DCHS2: variants seen among roughly 807,000 people sequenced by gnomAD.
DCHS2 encodes protocadherin-23.
Under a neutral mutation model 182.4 loss-of-function variants are expected in DCHS2, and 142 were observed. The ratio of observed to expected loss-of-function variants is 0.78; its 90% CI spans 0.68 to 0.89. DCHS2 has a LOEUF of 0.89. DCHS2 is among the 40% of genes least tolerant of loss of function. The pLI is 0.00. For synonymous variants in DCHS2, 1,740 were observed against 1,663.3 expected (o/e 1.05, Z -1.12); for missense variants, 4,319 against 4,198.6 (o/e 1.03, Z -0.79).
intron 14 of DCHS2, among the ~76,000 whole-genome samples, chr4:154,265,473 T>C (rs1435288123): frequency 3.3e-5 from 5 of 151,994 alleles, no homozygotes; most frequent in African/African-American, 1.2e-4. Context: ...AGTGGAAAAA[T>C]TATAACCAAA....
rs1023854210 is a variant in DCHS2 at position 154,328,225 on chromosome 4, C to T, written c.3919-33G>A. On this transcript the variant is annotated intron_variant, in intron 6 of 19. Coordinates refer to ENST00000357232, the MANE Select transcript of DCHS2 (RefSeq NM_001358235.2). Reference sequence around the variant, plus strand: ...TAAAACAAACAGCTTACAAATGAGTCAGCAAAAGTTTAAAAAGAAATATCA... The same window carrying T: ...TAAAACAAACAGCTTACAAATGAGTTAGCAAAAGTTTAAAAAGAAATATCA... 2.6e-6 allele frequency: 4 copies of T among 1,534,856 alleles called. No homozygotes were observed. In the African/African-American group the frequency reaches 4.1e-5, roughly 16 times the overall value.
At chr4:154,429,657 A>G (rs933375326) in intron 1 of DCHS2, among the ~76,000 whole-genome samples, 2 of 151,938 alleles carry the variant, frequency 1.3e-5, no homozygotes, top group Admixed American at 6.6e-5. Context: ...TTTTAGATCA[A>G]TTTTTTAAAG....
intron 16 of DCHS2, among the ~76,000 whole-genome samples, chr4:154,253,414 G>T (rs1158853736): frequency 6.6e-6 from 1 of 152,162 alleles, no homozygotes; most frequent in South Asian, 2.1e-4. Context: ...TGTTAATTAG[G>T]TTCCATTGAG....
intron 1 of DCHS2, among the ~76,000 whole-genome samples, chr4:154,393,759 C>T (rs1401817454): frequency 1.3e-5 from 2 of 152,100 alleles, no homozygotes; most frequent in East Asian, 1.9e-4. Flanking sequence ...TGTGCCACAT[C>T]ACCACTCCCA....
chr4:154,489,062 A>T (rs1477755109), intron 1 of DCHS2, among the ~76,000 whole-genome samples: 6 of 152,160 alleles, frequency 3.9e-5, no homozygotes. Context: ...CTTCAATAAG[A>T]TAAATCAAGA....
chr4:154,260,210 C>G (rs1333421221), intron 14 of DCHS2, among the ~76,000 whole-genome samples: 1 of 152,184 alleles, frequency 6.6e-6, no homozygotes, highest in Non-Finnish European at 1.5e-5. Context: ...GCCGGGCCTC[C>G]TTTCCCCACC....
At chr4:154,333,761 G>C in intron 4 of DCHS2, 1 of 447,588 alleles carries the variant, frequency 2.2e-6, no homozygotes, top group Non-Finnish European at 4.0e-6. Flanking sequence ...TAGCCTAGGA[G>C]CAATCGACTG....
intron 8 of DCHS2, 134 bp from the exon 9 acceptor site, chr4:154,321,356 AT>A: frequency 4.2e-6 from 4 of 963,354 alleles, no homozygotes; most frequent in Non-Finnish European, 5.6e-6. Context: ...GAAAAATGTC[AT>A]TTTTATATTA....
intron 14 of DCHS2, among the ~76,000 whole-genome samples, chr4:154,260,184 G>A (rs765562878): frequency 2.0e-5 from 3 of 152,102 alleles, no homozygotes; most frequent in East Asian, 1.9e-4. Context: ...CACCTGTCCC[G>A]CAAAAGCCTC....
rs537951331 is a variant in DCHS2, at chr4:154,302,818, A to G, written c.5605+1851T>C. On this transcript the variant is annotated intron_variant, in intron 12 of 19. Coordinates refer to ENST00000357232, the MANE Select transcript of DCHS2 (RefSeq NM_001358235.2). ...ATATATATACTTATATATATTTCAT[A>G]TATATATACTTATATATATACACAC... Among the ~76,000 whole-genome samples the G allele has an allele frequency of 9.3e-3, 1,316 of 141,212 alleles. 13 individuals are homozygous for G. The highest frequency in any genetic ancestry group is 0.014 in the Non-Finnish European group (940 of 65,272). The allele number at this position is 141,212 out of a possible 152,430, so 92.6% of individuals were successfully genotyped here. A position where few individuals can be genotyped will look rare whatever the true frequency, so the allele number is the denominator to read the frequency against.
At chr4:154,458,247 T>C (rs1734855618) in intron 1 of DCHS2, among the ~76,000 whole-genome samples, 1 of 150,184 alleles carries the variant, frequency 6.7e-6, no homozygotes, top group Admixed American at 6.7e-5. Flanking sequence ...GCTAAAATTC[T>C]AAATAAAATT....
At chr4:154,437,268 C>G (rs1346983313) in intron 1 of DCHS2, among the ~76,000 whole-genome samples, 2 of 152,146 alleles carry the variant, frequency 1.3e-5, no homozygotes, top group African/African-American at 4.8e-5. Flanking sequence ...CTCCTTTGCA[C>G]AATAAAATGA....
intron 1 of DCHS2, among the ~76,000 whole-genome samples, chr4:154,462,436 G>A (rs1311978329): frequency 6.6e-6 from 1 of 152,156 alleles, no homozygotes; most frequent in African/African-American, 2.4e-5. Context: ...ATGTAAGGTA[G>A]GTAAGAAAGA....
intron 1 of DCHS2, among the ~76,000 whole-genome samples, chr4:154,464,377 C>A (rs1735150562): frequency 1.3e-5 from 2 of 152,138 alleles, no homozygotes; most frequent in Non-Finnish European, 2.9e-5. Context: ...GGAAAATTCA[C>A]AGCAAGAGAT....
chr4:154,381,814 G>T (rs1361352304), intron 1 of DCHS2, among the ~76,000 whole-genome samples: 1 of 152,114 alleles, frequency 6.6e-6, no homozygotes, highest in African/African-American at 2.4e-5. Flanking sequence ...AACATTCCAT[G>T]CTCATTGATT....
intron 1 of DCHS2, among the ~76,000 whole-genome samples, chr4:154,486,973 A>G (rs952739525): frequency 6.6e-6 from 1 of 152,218 alleles, no homozygotes; most frequent in African/African-American, 2.4e-5. Context: ...TGAGCTCACC[A>G]TAATGGATCT....
At chr4:154,357,250 C>CAG in intron 3 of DCHS2, 1 of 1,613,462 alleles carries the variant, frequency 6.2e-7, no homozygotes, top group East Asian at 2.2e-5. Context: ...AAAAACATCT[C>CAG]TAAACTGTTC....
intron 1 of DCHS2, among the ~76,000 whole-genome samples, chr4:154,390,101 AAATTT>A (rs1731621513): frequency 7.2e-6 from 1 of 139,430 alleles, no homozygotes; most frequent in African/African-American, 2.6e-5. Context: ...TTATTTTTTT[AAATTT>A]TTTTATTTTT....
intron 1 of DCHS2, among the ~76,000 whole-genome samples, chr4:154,472,311 T>C (rs1466481675): frequency 1.3e-5 from 2 of 152,242 alleles, no homozygotes; most frequent in Non-Finnish European, 2.9e-5. Context: ...TTGGTTCCAA[T>C]TGTTTCTTTT....
Sources: gnomAD v4.1 joint callset for allele counts (sites outside exome capture counted in the v4.1 genomes callset) on GRCh38, gnomAD v4.1.1 for gene constraint, MANE v1.5 for transcripts, NCBI Gene and HGNC (gene_info 2026-07-23, HGNC 2026-07-21) for gene names.